The following WDR88 variants were observed in gnomAD, a reference collection of about 807,000 sequenced individuals.
WDR88 encodes WD repeat-containing protein 88.
Under a neutral mutation model 46.8 loss-of-function variants are expected in WDR88, and 40 were observed. That is an observed-to-expected ratio of 0.86 (90% CI 0.66 to 1.11). The LOEUF (loss-of-function observed/expected upper bound fraction) is 1.11. WDR88 is among the 50% of genes most tolerant of loss of function. The probability of loss-of-function intolerance (pLI) is 0.00; values close to 1 mark genes in which losing one functional copy is unlikely to be tolerated. For synonymous variants in WDR88, 235 were observed against 240.7 expected (o/e 0.98, Z 0.22); for missense variants, 562 against 602.4 (o/e 0.93, Z 0.70).
chr19:33,151,305 C>T lies in WDR88; in HGVS notation c.804C>T (p.Ile268=). The change falls in exon 6 of 11, where the codon ATC becomes ATT. Residue 268 remains isoleucine (I), a synonymous_variant. Transcript: ENST00000355868. The stretch of plus-strand genomic sequence containing the variant: ...CATCCCAGGCCACGCTGCTCACCAT[C>T]ACTAAGTGAGTTGGACCCCAGGAGG... The part of the protein sequence containing the change: ...DVTSQATLLT[I]TKAHSNAISN... 1.2e-6 allele frequency: 2 copies of T among 1,612,578 alleles called. No individual in the cohort carries two copies. The highest frequency in any genetic ancestry group is 8.5e-7 in the Non-Finnish European group (1 of 1,179,368).
chr19:33,148,952 G>A, intron 5 of WDR88, 42 bp downstream of exon 5: 1 of 1,612,106 alleles, frequency 6.2e-7, no homozygotes, highest in Non-Finnish European at 8.5e-7. Context: ...TCTGCCATAG[G>A]AATAGCCACT....
chr19:33,151,147 G>A (rs1224241833), intron 5 of WDR88, 34 bp from the exon 6 acceptor site: 9 of 1,599,236 alleles, frequency 5.6e-6, no homozygotes, highest in South Asian at 3.3e-5. Context: ...GGTGGAAGGC[G>A]TGGTCTCAAG....
chr19:33,132,245 A>T lies in WDR88; in HGVS notation c.76A>T (p.Ser26Cys). 1 of 1,612,358 alleles carries T rather than the reference A, an allele frequency of 6.2e-7. No individual in the cohort carries two copies. The highest frequency in any genetic ancestry group is 8.5e-7 in the Non-Finnish European group (1 of 1,179,900). Residue 26 changes from serine to cysteine, a missense_variant, in exon 1 of 11, where the codon AGC (serine) becomes TGC (cysteine). Coordinates refer to ENST00000355868, the MANE Select transcript of WDR88 (RefSeq NM_173479.4). ...GTTGCCGCCACCCTCCGCCCCCGCC[A>T]GCGAGTATTGTCCCGGCAAGCTGTC... ...CKLPPPSAPASEYCPGKLSWG... is the reference protein window; with the variant it reads ...CKLPPPSAPACEYCPGKLSWG...
chr19:33,148,974 G>C, intron 5 of WDR88, 64 bp downstream of exon 5: 2 of 1,604,092 alleles, frequency 1.2e-6, no homozygotes, highest in Middle Eastern at 2.0e-4. Flanking sequence ...GTCACTGACT[G>C]ACGGTGACCT....
At chr19:33,151,981 C>G (rs1973643391) in intron 6 of WDR88, among the ~76,000 whole-genome samples, 1 of 151,982 alleles carries the variant, frequency 6.6e-6, no homozygotes, top group African/African-American at 2.4e-5. Context: ...CCTGTAATCC[C>G]AGCACTTTGG....
intron 9 of WDR88, among the ~76,000 whole-genome samples, chr19:33,171,761 T>G (rs1292265159): frequency 6.9e-6 from 1 of 145,854 alleles, no homozygotes; most frequent in Non-Finnish European, 1.5e-5. Context: ...ACCAATACAG[T>G]GTCATATAGT....
At chr19:33,136,437 T>A (rs191474787) in intron 1 of WDR88, among the ~76,000 whole-genome samples, 6 of 152,218 alleles carry the variant, frequency 3.9e-5, no homozygotes, top group Admixed American at 1.3e-4. Flanking sequence ...GTGATCCGCC[T>A]GCCTCGGTCT....
intron 1 of WDR88, among the ~76,000 whole-genome samples, chr19:33,135,062 G>A (rs552110787): frequency 9.2e-5 from 14 of 151,586 alleles, no homozygotes; most frequent in African/African-American, 2.7e-4. Context: ...TGGGTGGGGG[G>A]GGTGACATCT....
chr19:33,154,243 CAT>C (rs1176316862), intron 6 of WDR88, among the ~76,000 whole-genome samples: 6 of 152,180 alleles, frequency 3.9e-5, no homozygotes, highest in South Asian at 2.1e-4. Context: ...TTCCAGGACA[CAT>C]GTGCAGAATG....
At position 33,137,771 on chromosome 19, in the gene WDR88, G is replaced by A; in HGVS notation, c.371G>A (p.Cys124Tyr). 6.2e-7 allele frequency: 1 copy of A among 1,613,238 alleles called. No individual in the cohort carries two copies. Among genetic ancestry groups the A allele is most frequent in the Non-Finnish European group, 8.5e-7 (1 of 1,179,906 alleles). Reference protein sequence around the residue: ...DTKLLSGSYDCTVKLWDPVDG... With the variant: ...DTKLLSGSYDYTVKLWDPVDG... ...AAGCTCCTCAGTGGCTCCTATGACT[G>A]CACTGTGAAGCTGTGGGTAGGTGGC... Residue 124 changes from cysteine to tyrosine, a missense_variant, in exon 2 of 11, where the codon TGC (cysteine) becomes TAC (tyrosine). Coordinates refer to ENST00000355868, the MANE Select transcript of WDR88 (RefSeq NM_173479.4).
intron 7 of WDR88, among the ~76,000 whole-genome samples, chr19:33,157,840 A>C (rs1973791755): frequency 6.6e-6 from 1 of 150,832 alleles, no homozygotes; most frequent in African/African-American, 2.4e-5. Context: ...TGCCAGAACA[A>C]GTCCCAGGGA....
chr19:33,137,956 G>A (rs775807001), intron 2 of WDR88, among the ~76,000 whole-genome samples, 169 bp downstream of exon 2: 1 of 152,166 alleles, frequency 6.6e-6, no homozygotes, highest in Non-Finnish European at 1.5e-5. Context: ...CAGCCTAGAC[G>A]AAGTTAGGGT....
intron 2 of WDR88, 127 bp from the exon 3 acceptor site, chr19:33,144,717 C>A (rs999341107): frequency 6.5e-5 from 54 of 824,536 alleles, no homozygotes; most frequent in Admixed American, 1.2e-4. Context: ...AGTGAGAGTC[C>A]CAGGACCTTG....
intron 2 of WDR88, among the ~76,000 whole-genome samples, chr19:33,138,440 C>T (rs1375141524): frequency 1.3e-5 from 2 of 152,022 alleles, no homozygotes; most frequent in African/African-American, 2.4e-5. Flanking sequence ...CTCTGCCTCC[C>T]GGGTTCAAGT....
At chr19:33,163,448 AT>A (rs1362196187) in intron 8 of WDR88, among the ~76,000 whole-genome samples, 1 of 152,070 alleles carries the variant, frequency 6.6e-6, no homozygotes, top group Non-Finnish European at 1.5e-5. Flanking sequence ...GTGAGTGGAG[AT>A]TGCACCATTG....
At chr19:33,166,219 A>C (rs1032217566) in intron 9 of WDR88, among the ~76,000 whole-genome samples, 4 of 144,294 alleles carry the variant, frequency 2.8e-5, no homozygotes, top group Non-Finnish European at 6.0e-5. Context: ...TCGAGGCTGC[A>C]GTGAGTCATG....
At chr19:33,167,971 G>A (rs1371943800) in intron 9 of WDR88, among the ~76,000 whole-genome samples, 1 of 151,068 alleles carries the variant, frequency 6.6e-6, no homozygotes, top group African/African-American at 2.4e-5. Flanking sequence ...GCCCACCTTG[G>A]CCTCTCAAAG....
intron 5 of WDR88, among the ~76,000 whole-genome samples, chr19:33,150,855 C>G (rs946443688): frequency 6.6e-6 from 1 of 152,232 alleles, no homozygotes; most frequent in African/African-American, 2.4e-5. Context: ...CCTTCCTGGA[C>G]CCCTCAGGGT....
chr19:33,154,515 T>A (rs1821260066), intron 6 of WDR88, among the ~76,000 whole-genome samples: 1 of 152,104 alleles, frequency 6.6e-6, no homozygotes, highest in South Asian at 2.1e-4. Context: ...GAGGATGATG[T>A]CCCTGCAAAG....
Sources: allele counts gnomAD v4.1 joint callset (sites outside exome capture counted in the v4.1 genomes callset), GRCh38; gene constraint gnomAD v4.1.1; transcripts MANE v1.5; gene names NCBI Gene and HGNC (gene_info 2026-07-23, HGNC 2026-07-21).